Variants in TPRA1 observed in about 807,000 individuals in gnomAD.
The protein encoded by TPRA1 is transmembrane protein adipocyte-associated 1.
In TPRA1, 28 loss-of-function variants were observed where a neutral mutation model predicts 40.1. The ratio of observed to expected loss-of-function variants is 0.70; its 90% CI spans 0.52 to 0.96. TPRA1 has a LOEUF of 0.96. TPRA1 is among the 40% of genes least tolerant of loss of function. The pLI is 0.00. For synonymous variants in TPRA1, 219 were observed against 209.7 expected, an observed-to-expected ratio of 1.04 and a Z score of -0.38; for missense variants, 441 against 482.6, an observed-to-expected ratio of 0.91 and a Z score of 0.81.
At position 127,580,166 on chromosome 3, in the gene TPRA1, G is replaced by T; in HGVS notation, c.-17-3C>A. 1 of 1,608,988 alleles carries T rather than the reference G, an allele frequency of 6.2e-7. No homozygotes were observed. ...GTCCATCCCGCCAGCAGCCAGCCCT[G>T]GGGGAGTGAGAGCCGCCCAGTGAGC... On this transcript the variant is annotated splice_region_variant and splice_polypyrimidine_tract_variant and intron_variant, in intron 1 of 10. Coordinates refer to ENST00000355552, the MANE Select transcript of TPRA1 (RefSeq NM_001136053.4).
intron 9 of TPRA1, 62 bp from the exon 10 acceptor site, chr3:127,575,327 T>C (rs2073564585): frequency 6.3e-7 from 1 of 1,586,488 alleles, no homozygotes; most frequent in Non-Finnish European, 8.6e-7. Flanking sequence ...CACCTCCCCA[T>C]GCCCCCAGCG....
In TPRA1 at chr3:127,571,483, T is replaced by C. The variant is rs900266168; in HGVS notation, c.*2038A>G. On this transcript the variant is annotated 3_prime_UTR_variant, in exon 11 of 11. Coordinates refer to ENST00000355552, the MANE Select transcript of TPRA1 (RefSeq NM_001136053.4). ...ATTGTTGATGTTGCCTTGTTTGTTG[T>C]TGCAAAATTTTTCAGAAACAAAAGG... 1 of 152,242 alleles carries C rather than the reference T, an allele frequency of 6.6e-6. No homozygotes were observed. The highest frequency in any genetic ancestry group is 1.9e-4 in the East Asian group (1 of 5,200). 9.4% of individuals were successfully genotyped at this position (152,242 alleles called of 1,614,324 possible).
upstream of TPRA1, chr3:127,594,702 C>T (rs975614729): frequency 1.3e-5 from 2 of 152,328 alleles, no homozygotes; most frequent in Non-Finnish European, 2.9e-5. Flanking sequence ...GCTCCTCTGC[C>T]TCAGTTCACA....
chr3:127,580,291 C>A (rs1023905377), intron 1 of TPRA1, 128 bp from the exon 2 acceptor site: 4 of 1,061,396 alleles, frequency 3.8e-6, no homozygotes, highest in African/African-American at 1.6e-5. Context: ...ACCCTCCCCA[C>A]CCACTGCAGC....
rs2073399695 is a variant in TPRA1, at chr3:127,572,323, C to A, written c.*1198G>T. ...AGACCTCCCCAGGCTCTGAAGCATG[C>A]AGTTGGCTGTGTCCTGGATGGGCTC... is the stretch of plus-strand genomic sequence containing the variant. On this transcript the variant is annotated 3_prime_UTR_variant, in exon 11 of 11. Coordinates refer to ENST00000355552, the MANE Select transcript of TPRA1 (RefSeq NM_001136053.4). Among the ~76,000 whole-genome samples, 1 of 152,256 alleles carries A rather than the reference C, an allele frequency of 6.6e-6. No homozygotes were observed. Among genetic ancestry groups the A allele is most frequent in the South Asian group, 2.1e-4 (1 of 4,836 alleles).
intron 1 of TPRA1, among the ~76,000 whole-genome samples, chr3:127,583,244 C>G (rs2073888022): frequency 6.6e-6 from 1 of 151,348 alleles, no homozygotes; most frequent in African/African-American, 2.4e-5. Flanking sequence ...ACCCAGGAGG[C>G]AGAGGTTGCG....
At chr3:127,593,813 C>T (rs528660576), upstream of TPRA1, among the ~76,000 whole-genome samples, 53 of 152,336 alleles carry the variant, frequency 3.5e-4, no homozygotes, top group Middle Eastern at 3.4e-3. Flanking sequence ...CAGATCAGCA[C>T]GGCCCCCGCT....
chr3:127,585,779 C>A (rs67178459), intron 1 of TPRA1, among the ~76,000 whole-genome samples: 1 of 152,110 alleles, frequency 6.6e-6, no homozygotes, highest in Non-Finnish European at 1.5e-5. Flanking sequence ...AGGATCCCTC[C>A]ATAAAACCTA....
At chr3:127,579,162 T>C (rs2073745761) in intron 3 of TPRA1, among the ~76,000 whole-genome samples, 1 of 152,122 alleles carries the variant, frequency 6.6e-6, no homozygotes, top group South Asian at 2.1e-4. Context: ...GACCACCAAG[T>C]GGTGACAATG....
Position 127,576,457 on chromosome 3 carries a change from C to T in TPRA1, c.498+160G>A, listed in dbSNP as rs928176449. 2.6e-5 allele frequency among the ~76,000 whole-genome samples: 4 copies of T among 152,196 alleles called. No individual in the cohort carries two copies. The highest frequency in any genetic ancestry group is 9.6e-5 in the African/African-American group (4 of 41,454). On this transcript the variant is annotated intron_variant, in intron 6 of 10. Coordinates refer to ENST00000355552, the MANE Select transcript of TPRA1 (RefSeq NM_001136053.4). The surrounding 1 kb of genome is among the most constrained non-coding windows in gnomAD (Gnocchi z 4.6). The stretch of plus-strand genomic sequence containing the variant: ...CTGGATCCAAATCTCCAGGGGACCC[C>T]AGAATGTGCCTCGGTAACAAGCACC...
At chr3:127,573,867 A>G in intron 10 of TPRA1, 79 bp from the exon 11 acceptor site, 1 of 1,481,728 alleles carries the variant, frequency 6.7e-7, no homozygotes, top group Non-Finnish European at 9.0e-7. Flanking sequence ...TGATGGGGCC[A>G]CCAGATAAGG....
chr3:127,580,298 C>T, intron 1 of TPRA1, 135 bp from the exon 2 acceptor site: 1 of 1,014,956 alleles, frequency 9.9e-7, no homozygotes, highest in Non-Finnish European at 1.4e-6. Flanking sequence ...CCACCCACTG[C>T]AGCTCAGTGT....
At chr3:127,574,053 G>A (rs1267816532) in intron 10 of TPRA1, among the ~76,000 whole-genome samples, 1 of 152,188 alleles carries the variant, frequency 6.6e-6, no homozygotes, top group Admixed American at 6.5e-5. Context: ...GACACCGTGT[G>A]GAGGAAGAAT....
intron 1 of TPRA1, among the ~76,000 whole-genome samples, chr3:127,597,728 C>T (rs143379133): frequency 6.6e-6 from 1 of 152,206 alleles, no homozygotes; most frequent in Non-Finnish European, 1.5e-5. Context: ...AAGTATTGAG[C>T]CTTTGAGCTT....
chr3:127,586,882 G>A (rs2074018370), intron 1 of TPRA1, among the ~76,000 whole-genome samples: 1 of 152,182 alleles, frequency 6.6e-6, no homozygotes, highest in Non-Finnish European at 1.5e-5. Context: ...GGGGAGTCAG[G>A]CAGAGTCCAG....
rs1390182046 is a variant in TPRA1, at chr3:127,577,033, G to T, written c.302C>A (p.Ser101Tyr). Residue 101 changes from serine to tyrosine, a missense_variant, in exon 4 of 11, where the codon TCC becomes TAC. Coordinates refer to ENST00000355552, the MANE Select transcript of TPRA1 (RefSeq NM_001136053.4). ...ALVGIARAVVSMTVSTSNAAT... is the reference protein window; with the variant it reads ...ALVGIARAVVYMTVSTSNAAT... ...AGCGTTCGAGGTGCTCACCGTCATG[G>T]ATACCACGGCCCGGGCAATGCCCAC... The T allele has an allele frequency of 6.2e-7, 1 of 1,613,744 alleles. No individual in the cohort carries two copies. Among genetic ancestry groups the T allele is most frequent in the Admixed American group, 1.7e-5 (1 of 60,028 alleles).
Position 127,571,406 on chromosome 3 carries a change from G to C in TPRA1, c.*2115C>G, listed in dbSNP as rs959392607. 2.0e-5 allele frequency: 3 copies of C among 152,228 alleles called. No individual in the cohort carries two copies. The highest frequency in any genetic ancestry group is 7.2e-5 in the African/African-American group (3 of 41,458). 9.4% of individuals were successfully genotyped at this position (152,228 alleles called of 1,614,324 possible). A position where few individuals can be genotyped will look rare whatever the true frequency, so the allele number is the denominator to read the frequency against. On this transcript the variant is annotated 3_prime_UTR_variant, in exon 11 of 11. Transcript: ENST00000355552. ...AGAGTAATTAAAACTAATTAAGACTGTGTGCTCCAGCAATTCTACTTGCAT... is the reference window on the plus strand; with the variant it reads ...AGAGTAATTAAAACTAATTAAGACTCTGTGCTCCAGCAATTCTACTTGCAT...
exon 1 of TPRA1, chr3:127,598,188 G>A (rs2074267143): frequency 1.8e-6 from 1 of 545,660 alleles, no homozygotes; most frequent in Non-Finnish European, 3.3e-6. Flanking sequence ...TGGAGCCTCA[G>A]CTTCTACCTC....
exon 1 of TPRA1, chr3:127,598,199 C>G: frequency 1.8e-6 from 1 of 559,400 alleles, no homozygotes; most frequent in Middle Eastern, 4.8e-4. Context: ...CTTCTACCTC[C>G]GCTCCAGCTC....
Sources: allele counts gnomAD v4.1 joint callset (sites outside exome capture counted in the v4.1 genomes callset), GRCh38; gene constraint gnomAD v4.1.1; non-coding constraint Gnocchi (gnomAD v3.1); transcripts MANE v1.5; gene names NCBI Gene and HGNC (gene_info 2026-07-23, HGNC 2026-07-21).